Variants in MAD1L1 observed in about 807,000 individuals in gnomAD.
MAD1L1 encodes mitotic spindle assembly checkpoint protein MAD1.
Under a neutral mutation model 96.9 loss-of-function variants are expected in MAD1L1, and 95 were observed. The observed-to-expected ratio is 0.98, with a 90% CI of 0.83 to 1.16. The LOEUF (loss-of-function observed/expected upper bound fraction) is 1.16. MAD1L1 is among the 50% of genes most tolerant of loss of function. The pLI is 0.00. For missense variants in MAD1L1, 1,007 were observed against 954.4 expected, an observed-to-expected ratio of 1.06 and a Z score of -0.73; for synonymous variants, 473 against 396.6, an observed-to-expected ratio of 1.19 and a Z score of -2.29.
chr7:2,046,706 G>A (rs1035512448), intron 12 of MAD1L1, among the ~76,000 whole-genome samples: 13 of 152,240 alleles, frequency 8.5e-5, no homozygotes, highest in Admixed American at 2.0e-4. Context: ...AGCGCTGCCC[G>A]CCTGTGCCCA....
At chr7:2,174,061 C>T (rs1201316174) in intron 10 of MAD1L1, among the ~76,000 whole-genome samples, 2 of 152,198 alleles carry the variant, frequency 1.3e-5, no homozygotes, top group African/African-American at 2.4e-5. Flanking sequence ...CTCAAGTGAT[C>T]CTCCCACCTC....
At chr7:2,129,125 G>A (rs965678547) in intron 11 of MAD1L1, among the ~76,000 whole-genome samples, 1 of 152,196 alleles carries the variant, frequency 6.6e-6, no homozygotes, top group Non-Finnish European at 1.5e-5. Flanking sequence ...GAGCCAGCTG[G>A]AAGGGGCAGG....
At chr7:1,871,336 G>GT (rs1785081031) in intron 18 of MAD1L1, among the ~76,000 whole-genome samples, 1 of 93,702 alleles carries the variant, frequency 1.1e-5, no homozygotes. Flanking sequence ...TGAACCCACC[G>GT]TAACACCTGC....
At chr7:2,075,960 G>A (rs892645581) in intron 11 of MAD1L1, among the ~76,000 whole-genome samples, 3 of 152,228 alleles carry the variant, frequency 2.0e-5, no homozygotes, top group African/African-American at 7.2e-5. Flanking sequence ...TGGGGCTCTG[G>A]AGCACAGGAG....
intron 11 of MAD1L1, among the ~76,000 whole-genome samples, chr7:2,138,840 T>G (rs1208120004): frequency 6.6e-6 from 1 of 152,128 alleles, no homozygotes; most frequent in East Asian, 1.9e-4. Context: ...CAGACCCCAC[T>G]CCTGCAAACA....
chr7:1,874,718 G>GGACC (rs1785288725), intron 18 of MAD1L1, among the ~76,000 whole-genome samples: 1 of 152,076 alleles, frequency 6.6e-6, no homozygotes, highest in South Asian at 2.1e-4. Flanking sequence ...TGGCTCAGCA[G>GGACC]GACCCACAGG....
At position 2,076,954 on chromosome 7, in the gene MAD1L1, C is replaced by T. The variant is rs940420952; in HGVS notation, c.1074-7616G>A. 6.1e-5 allele frequency among the ~76,000 whole-genome samples: 9 copies of T among 146,606 alleles called. 1 individual carries two copies. The highest frequency in any genetic ancestry group is 4.4e-4 in the South Asian group (2 of 4,588). On this transcript the variant is annotated intron_variant, in intron 11 of 18. Coordinates refer to ENST00000265854, the MANE Select transcript of MAD1L1 (RefSeq NM_001013836.2). ...CGAGACAGTTATGGCACAGTGAGCC[C>T]GCGGCACGGTGAGCCCGCAGCATGG...
intron 11 of MAD1L1, among the ~76,000 whole-genome samples, chr7:2,082,813 C>T (rs956839432): frequency 2.6e-5 from 4 of 152,240 alleles, no homozygotes; most frequent in Non-Finnish European, 4.4e-5. Flanking sequence ...GCCCAGCCTC[C>T]GCCCACGCCT....
intron 12 of MAD1L1, among the ~76,000 whole-genome samples, chr7:2,066,584 C>G (rs1784884331): frequency 6.6e-6 from 1 of 152,226 alleles, no homozygotes; most frequent in African/African-American, 2.4e-5. Flanking sequence ...ACCTGCAAAG[C>G]AGAGCAGAGA....
intron 17 of MAD1L1, among the ~76,000 whole-genome samples, chr7:1,929,426 C>T (rs1789298380): frequency 6.6e-6 from 1 of 152,192 alleles, no homozygotes; most frequent in Non-Finnish European, 1.5e-5. Context: ...AGTGAGGAGT[C>T]AGAGCCAGCA....
chr7:1,849,087 C>CACATACATGT (rs1378441726), intron 18 of MAD1L1: 3 of 71,406 alleles, frequency 4.2e-5, no homozygotes, highest in African/African-American at 1.1e-4. Context: ...TGCACATGCA[C>CACATACATGT]GGACACATGC....
intron 5 of MAD1L1, among the ~76,000 whole-genome samples, chr7:2,221,209 A>G (rs982244655): frequency 4.6e-5 from 7 of 151,776 alleles, no homozygotes; most frequent in Non-Finnish European, 1.0e-4. Flanking sequence ...TCTGCCCCTC[A>G]TGAAGTGCTC....
chr7:2,165,065 G>A (rs1050332724), intron 10 of MAD1L1, among the ~76,000 whole-genome samples: 4 of 152,124 alleles, frequency 2.6e-5, no homozygotes, highest in South Asian at 2.1e-4. Flanking sequence ...ACGGCTGGGC[G>A]CAGTGGCTCA....
chr7:1,884,402 C>T (rs1785882268), intron 18 of MAD1L1, among the ~76,000 whole-genome samples: 1 of 152,190 alleles, frequency 6.6e-6, no homozygotes, highest in South Asian at 2.1e-4. Context: ...GAGCCCTGGA[C>T]TCCTGCAGCC....
chr7:1,939,757 G>A (rs578157999), intron 16 of MAD1L1, among the ~76,000 whole-genome samples: 24 of 152,354 alleles, frequency 1.6e-4, no homozygotes, highest in East Asian at 3.9e-4. Context: ...TGAAGAGACC[G>A]GGCGCAGTAA....
intron 11 of MAD1L1, among the ~76,000 whole-genome samples, chr7:2,139,986 A>ACCCCCCCCCCCCCCCCCCCCCCCCC (rs1562723081): frequency 7.2e-6 from 1 of 138,924 alleles, no homozygotes; most frequent in African/African-American, 2.7e-5. Flanking sequence ...TACTATCTGG[A>ACCCCCCCCCCCCCCCCCCCCCCCCC]CCCCGCCCCC....
chr7:1,890,993 C>T (rs1259353894), intron 18 of MAD1L1, among the ~76,000 whole-genome samples: 2 of 152,134 alleles, frequency 1.3e-5, no homozygotes, highest in Non-Finnish European at 2.9e-5. Context: ...GGGACCTCGG[C>T]GGGATCAGAC....
rs557809822 is a variant in MAD1L1 at position 1,891,059 on chromosome 7, G to C, written c.1998+7141C>G. 4.7e-4 allele frequency among the ~76,000 whole-genome samples: 72 copies of C among 152,324 alleles called. 2 individuals carry two copies. The South Asian group carries it at 0.015, about 31-fold the overall frequency. On this transcript the variant is annotated intron_variant, in intron 18 of 18. Coordinates refer to ENST00000265854, the MANE Select transcript of MAD1L1 (RefSeq NM_001013836.2). Reference sequence around the variant, plus strand: ...CCCCTTCCCCTGCTGAGGTCCGGCAGGGGCAGCAAGGATGGGCAGAGGGGA... The same window carrying C: ...CCCCTTCCCCTGCTGAGGTCCGGCACGGGCAGCAAGGATGGGCAGAGGGGA...
rs1788673497 is a variant in MAD1L1, at chr7:2,134,722, C to A, written c.1073+14430G>T. ...GCTGCACACGTCTCTGGAGAGGCCA[C>A]CCTCTCTTAAGGACTAGTCTTGGAT... is the stretch of plus-strand genomic sequence containing the variant. On this transcript the variant is annotated intron_variant, in intron 11 of 18. Coordinates refer to ENST00000265854, the MANE Select transcript of MAD1L1 (RefSeq NM_001013836.2). Among the ~76,000 whole-genome samples, 3 of 152,190 alleles carry A rather than the reference C, an allele frequency of 2.0e-5. No homozygotes were observed. In the South Asian group the frequency reaches 6.2e-4, roughly 32 times the overall value.
Sources: allele counts gnomAD v4.1 joint callset (sites outside exome capture counted in the v4.1 genomes callset), GRCh38; gene constraint gnomAD v4.1.1; transcripts MANE v1.5; gene names NCBI Gene and HGNC (gene_info 2026-07-23, HGNC 2026-07-21).